Variants in PHF20 observed in about 807,000 individuals in gnomAD.
PHF20 encodes the protein glioma-expressed antigen 2.
A neutral mutation model predicts 113.5 loss-of-function variants in PHF20; 23 were observed. The observed-to-expected ratio is 0.20, with a 90% CI of 0.15 to 0.29. PHF20 has a LOEUF of 0.29. PHF20 is among the 10% of genes least tolerant of loss of function. The pLI is 1.00. For synonymous variants in PHF20, 434 were observed against 457.3 expected (o/e 0.95, Z 0.65); for missense variants, 943 against 1,219.6 (o/e 0.77, Z 3.38).
chr20:35,825,706 A>G (rs2042247996), intron 2 of PHF20, among the ~76,000 whole-genome samples: 1 of 149,308 alleles, frequency 6.7e-6, no homozygotes. Context: ...TACAATGGCT[A>G]TTTACGAGTG....
intron 1 of PHF20, among the ~76,000 whole-genome samples, chr20:35,778,465 T>C (rs758704386): frequency 6.6e-6 from 1 of 152,042 alleles, no homozygotes; most frequent in African/African-American, 2.4e-5. Context: ...CTAATGAAAA[T>C]TGAGACAGGC....
chr20:35,801,737 C>T, intron 2 of PHF20, 132 bp downstream of exon 2: 1 of 612,566 alleles, frequency 1.6e-6, no homozygotes, highest in Non-Finnish European at 2.9e-6. Context: ...GAGGAAATGT[C>T]AGTCTTTTCT....
intron 2 of PHF20, among the ~76,000 whole-genome samples, chr20:35,814,736 A>C (rs973998123): frequency 6.8e-6 from 1 of 147,358 alleles, no homozygotes; most frequent in Non-Finnish European, 1.5e-5. Context: ...AGCCAGGCGT[A>C]GTGGCGGGTG....
intron 17 of PHF20, among the ~76,000 whole-genome samples, chr20:35,946,412 C>T (rs546401230): frequency 1.3e-3 from 194 of 151,868 alleles, no homozygotes; most frequent in South Asian, 2.7e-3. Context: ...CCAGCCTGGG[C>T]GACACAGTGA....
intron 2 of PHF20, among the ~76,000 whole-genome samples, chr20:35,810,068 T>C (rs2041950701): frequency 6.6e-6 from 1 of 152,162 alleles, no homozygotes; most frequent in South Asian, 2.1e-4. Flanking sequence ...TAGCTGGGAC[T>C]ACAGGCAGGT....
chr20:35,899,018 G>A lies in PHF20; in HGVS notation c.1283-352G>A, dbSNP rs533355862. Among the ~76,000 whole-genome samples the A allele has an allele frequency of 1.2e-4, 18 of 152,138 alleles. No homozygotes were observed. The South Asian group carries it at 3.7e-3, about 31-fold the overall frequency. ...CCTGCCTTGGCCTCCCAAAGTACTA[G>A]GATTACAAGTGTGAGCTGCTCTGCT... On this transcript the variant is annotated intron_variant, in intron 9 of 17. Coordinates refer to ENST00000374012, the MANE Select transcript of PHF20 (RefSeq NM_016436.5).
intron 9 of PHF20, among the ~76,000 whole-genome samples, chr20:35,877,279 CAAAAAAAAA>C (rs1246687018): frequency 7.7e-5 from 1 of 12,972 alleles, no homozygotes; most frequent in South Asian, 3.2e-3. Context: ...GACTCCATCT[CAAAAAAAAA>C]AAAAAAAAAA....
chr20:35,947,432 G>T (rs1276524458), intron 17 of PHF20, 53 bp from the exon 18 acceptor site: 1 of 1,581,324 alleles, frequency 6.3e-7, no homozygotes, highest in African/African-American at 1.4e-5. Flanking sequence ...TGATGTTCTT[G>T]CAAATCAAGT....
At chr20:35,778,448 G>A (rs942833178) in intron 1 of PHF20, among the ~76,000 whole-genome samples, 1 of 152,060 alleles carries the variant, frequency 6.6e-6, no homozygotes, top group Non-Finnish European at 1.5e-5. Flanking sequence ...ATTGACTATA[G>A]GGTAACCTAA....
In PHF20 at chr20:35,871,780, A is replaced by G; in HGVS notation, c.1233A>G (p.Thr411=). Residue 411 remains threonine, a synonymous_variant, in exon 9 of 18, where the codon ACA becomes ACG. Coordinates refer to ENST00000374012, the MANE Select transcript of PHF20 (RefSeq NM_016436.5). ...CAATGGGAGAAAACACGATGAAAAC[A>G]GAACCGACTTCTCCCCTTGTGGAAT... The part of the protein sequence containing the change: ...CPSMGENTMK[T]EPTSPLVELQ... The G allele has an allele frequency of 6.2e-7, 1 of 1,613,378 alleles. No individual in the cohort carries two copies. The highest frequency in any genetic ancestry group is 8.5e-7 in the Non-Finnish European group (1 of 1,179,600).
intron 2 of PHF20, among the ~76,000 whole-genome samples, chr20:35,841,921 T>A (rs1242092600): frequency 6.6e-6 from 1 of 152,240 alleles, no homozygotes; most frequent in Non-Finnish European, 1.5e-5. Context: ...TGTTAAATCC[T>A]TAATGTTTTC....
chr20:35,933,280 T>A (rs1181710526), intron 15 of PHF20, among the ~76,000 whole-genome samples: 4 of 151,826 alleles, frequency 2.6e-5, no homozygotes, highest in Non-Finnish European at 5.9e-5. Context: ...TCACCCAGGC[T>A]GGAGTGCAGT....
chr20:35,823,310 C>A (rs952947097), intron 2 of PHF20, among the ~76,000 whole-genome samples: 1 of 151,480 alleles, frequency 6.6e-6, no homozygotes, highest in Non-Finnish European at 1.5e-5. Context: ...CCACCACAAT[C>A]AAGATATGGG....
chr20:35,801,811 C>T (rs1305050910), intron 2 of PHF20: 2 of 392,402 alleles, frequency 5.1e-6, no homozygotes, highest in Non-Finnish European at 4.7e-6. Context: ...TATTTGTTTC[C>T]CCCTTTTGCC....
chr20:35,921,018 C>T (rs1199011913), intron 13 of PHF20, among the ~76,000 whole-genome samples: 1 of 152,126 alleles, frequency 6.6e-6, no homozygotes, highest in African/African-American at 2.4e-5. Context: ...TGGGCATATT[C>T]CCATGATTCT....
At chr20:35,907,845 GT>G (rs1436473129) in intron 10 of PHF20, among the ~76,000 whole-genome samples, 2 of 152,166 alleles carry the variant, frequency 1.3e-5, no homozygotes, top group African/African-American at 4.8e-5. Context: ...GTATTTCTTT[GT>G]TTTTTGCCTC....
intron 2 of PHF20, among the ~76,000 whole-genome samples, chr20:35,807,542 G>A (rs1030620376): frequency 1.3e-5 from 2 of 151,816 alleles, no homozygotes; most frequent in African/African-American, 4.8e-5. Flanking sequence ...TAGTAGAGGC[G>A]GGGTTTTGCC....
intron 1 of PHF20, among the ~76,000 whole-genome samples, chr20:35,779,431 T>TG (rs1402030367): frequency 1.3e-5 from 2 of 152,106 alleles, no homozygotes; most frequent in African/African-American, 2.4e-5. Context: ...GAAGGATATT[T>TG]GGGGGTCTCT....
intron 2 of PHF20, among the ~76,000 whole-genome samples, chr20:35,839,787 G>A (rs994327432): frequency 5.3e-5 from 8 of 152,194 alleles, no homozygotes; most frequent in African/African-American, 1.9e-4. Context: ...CCAGTCCTCT[G>A]TGAGGAATAC....
Sources: gnomAD v4.1 joint callset for allele counts (sites outside exome capture counted in the v4.1 genomes callset) on GRCh38, gnomAD v4.1.1 for gene constraint, MANE v1.5 for transcripts, NCBI Gene and HGNC (gene_info 2026-07-23, HGNC 2026-07-21) for gene names.